SPTBN4: variants seen among roughly 807,000 people sequenced by gnomAD.
The protein encoded by SPTBN4 is spectrin beta, non-erythrocytic 4.
In SPTBN4, 96 loss-of-function variants were observed where a neutral mutation model predicts 277.8. The observed-to-expected ratio is 0.35, with a 90% CI of 0.29 to 0.41. The LOEUF (loss-of-function observed/expected upper bound fraction) is 0.41. Among genes scored for constraint, SPTBN4 ranks in the 10% least tolerant of loss-of-function variants. The pLI, the probability that SPTBN4 is intolerant of heterozygous loss-of-function variation, is 1.00. For missense variants in SPTBN4, 3,006 were observed against 3,595.7 expected (o/e 0.84, Z 4.19); for synonymous variants, 1,481 against 1,580.3 (o/e 0.94, Z 1.49).
intron 7 of SPTBN4, among the ~76,000 whole-genome samples, chr19:40,501,670 A>G (rs962123285): frequency 4.9e-5 from 7 of 143,644 alleles, no homozygotes; most frequent in African/African-American, 1.7e-4. Context: ...TTCCATCTTA[A>G]AAAAAAAAAG....
chr19:40,497,376 G>A (rs2080211412), intron 6 of SPTBN4, 113 bp from the exon 7 acceptor site: 1 of 748,696 alleles, frequency 1.3e-6, no homozygotes. Context: ...TGGCTAGACT[G>A]TGCCCTTCTG....
rs933730265 is a variant in SPTBN4 at position 40,490,984 on chromosome 19, G to A, written c.495+736G>A. Among the ~76,000 whole-genome samples the A allele has an allele frequency of 3.3e-5, 5 of 152,026 alleles. No homozygotes were observed. Among genetic ancestry groups the A allele is most frequent in the African/African-American group, 4.8e-5 (2 of 41,392 alleles). Reference sequence around the variant, plus strand: ...TTGAGCCCAGCAGTGTGAGGCTGCCGTGAGCTATGATCATGCCACTGCACT... The same window carrying A: ...TTGAGCCCAGCAGTGTGAGGCTGCCATGAGCTATGATCATGCCACTGCACT... On this transcript the variant is annotated intron_variant, in intron 4 of 35. Transcript: ENST00000598249. This position sits in a 1 kb window ranked among gnomAD's most constrained non-coding sequence, Gnocchi z 4.3.
chr19:40,532,741 G>A lies in SPTBN4; in HGVS notation c.4065G>A (p.Gln1355=). Residue 1355 remains glutamine, a synonymous_variant, in exon 19 of 36, where the codon CAG becomes CAA. Transcript: ENST00000598249. ...AGGCATTCATGGCCGAGCTGGCTCA[G>A]AATAAGGAGTGGCTGGAGAAGATCG... The part of the protein sequence containing the change: ...RHQAFMAELA[Q]NKEWLEKIER... The A allele has an allele frequency of 6.2e-7, 1 of 1,613,634 alleles. No homozygotes were observed. The highest frequency in any genetic ancestry group is 1.3e-5 in the African/African-American group (1 of 75,028).
At chr19:40,510,888 G>A (rs925888560) in intron 13 of SPTBN4, among the ~76,000 whole-genome samples, 2 of 152,086 alleles carry the variant, frequency 1.3e-5, no homozygotes, top group Non-Finnish European at 2.9e-5. Flanking sequence ...ATGGTGTTGT[G>A]GGCCCATAGT....
At chr19:40,522,210 T>C (rs1357391416) in intron 16 of SPTBN4, among the ~76,000 whole-genome samples, 1 of 151,864 alleles carries the variant, frequency 6.6e-6, no homozygotes, top group Admixed American at 6.6e-5. Context: ...GTATTTTTAG[T>C]AGAGATGGGA....
chr19:40,528,712 T>G (rs1285246220), intron 17 of SPTBN4, among the ~76,000 whole-genome samples: 1 of 152,070 alleles, frequency 6.6e-6, no homozygotes, highest in Admixed American at 6.6e-5. Flanking sequence ...CTCGTTTGTT[T>G]TGTTTTGTTT....
At chr19:40,477,926 C>T (rs547342291) in intron 2 of SPTBN4, among the ~76,000 whole-genome samples, 1 of 152,214 alleles carries the variant, frequency 6.6e-6, no homozygotes, top group Non-Finnish European at 1.5e-5. Flanking sequence ...GCAACCTCCG[C>T]CTCCTGGGTT....
chr19:40,556,561 A>G (rs1312415749), intron 25 of SPTBN4, among the ~76,000 whole-genome samples: 1 of 150,704 alleles, frequency 6.6e-6, no homozygotes, highest in Non-Finnish European at 1.5e-5. Flanking sequence ...CCAGGTGTTC[A>G]GTAAGTGTTA....
chr19:40,504,495 C>T (rs2080301509), intron 12 of SPTBN4, among the ~76,000 whole-genome samples: 1 of 151,964 alleles, frequency 6.6e-6, no homozygotes, highest in African/African-American at 2.4e-5. Context: ...GGTGAAACCC[C>T]ATCTCTACTA....
intron 15 of SPTBN4, among the ~76,000 whole-genome samples, chr19:40,518,992 TAA>T (rs1344473693): frequency 1.3e-5 from 2 of 152,312 alleles, no homozygotes; most frequent in East Asian, 1.9e-4. Flanking sequence ...CAAAATGTAC[TAA>T]GAGTGGCATT....
intron 2 of SPTBN4, among the ~76,000 whole-genome samples, chr19:40,473,186 A>G (rs1295933014): frequency 1.3e-5 from 2 of 152,022 alleles, no homozygotes; most frequent in Non-Finnish European, 2.9e-5. Flanking sequence ...AGCTGGGACT[A>G]CAGGTGCCCG....
intron 13 of SPTBN4, among the ~76,000 whole-genome samples, chr19:40,508,364 T>C (rs1227836616): frequency 6.6e-6 from 1 of 152,108 alleles, no homozygotes; most frequent in Admixed American, 6.6e-5. Flanking sequence ...ACACCCACCA[T>C]GGGGAGCTGT....
intron 2 of SPTBN4, among the ~76,000 whole-genome samples, chr19:40,483,605 G>A (rs1433164205): frequency 2.0e-5 from 3 of 152,150 alleles, no homozygotes; most frequent in African/African-American, 7.2e-5. Flanking sequence ...GTCAGTGTGG[G>A]TTTTGTGCTG....
chr19:40,497,902 C>T (rs1485606197), intron 7 of SPTBN4, among the ~76,000 whole-genome samples: 1 of 151,648 alleles, frequency 6.6e-6, no homozygotes, highest in African/African-American at 2.4e-5. Flanking sequence ...CCAACACCCT[C>T]CCCAACCCTG....
In SPTBN4 at chr19:40,477,094, G is replaced by A. The variant is rs181621763; in HGVS notation, c.169+4304G>A. Among the ~76,000 whole-genome samples the A allele has an allele frequency of 2.0e-4, 30 of 151,112 alleles. No individual in the cohort carries two copies. In the East Asian group the frequency reaches 5.1e-3, roughly 25 times the overall value. ...TTGGACTGCTGCCAGGCTGGAGTGT[G>A]GTGATAAAAATCATAGCTCACTACA... On this transcript the variant is annotated intron_variant, in intron 2 of 35. Coordinates refer to ENST00000598249, the MANE Select transcript of SPTBN4 (RefSeq NM_020971.3).
intron 5 of SPTBN4, among the ~76,000 whole-genome samples, chr19:40,494,120 C>T (rs907546929): frequency 6.6e-6 from 1 of 152,148 alleles, no homozygotes; most frequent in Non-Finnish European, 1.5e-5. Flanking sequence ...CTCAATTGTC[C>T]TCTGTAGAGC....
At chr19:40,516,237 C>CAA (rs61403353) in intron 15 of SPTBN4, among the ~76,000 whole-genome samples, 4 of 112,288 alleles carry the variant, frequency 3.6e-5, no homozygotes, top group African/African-American at 3.1e-5. Context: ...GACCTTGTCT[C>CAA]AAAAAAAAAA....
In SPTBN4 at chr19:40,515,263, C is replaced by G. The variant is rs370458670; in HGVS notation, c.2766-48C>G. ...AACCAGTAGAAGGTATTTCATAAAA[C>G]CAAGGTCCGCAGGGTTCGGGTGTCT... On this transcript the variant is annotated intron_variant, in intron 14 of 35. Transcript: ENST00000598249. This position sits in a 1 kb window ranked among gnomAD's most constrained non-coding sequence, Gnocchi z 4.1. The G allele has an allele frequency of 1.2e-4, 192 of 1,587,000 alleles. 1 individual carries two copies. In the African/African-American group the frequency reaches 2.1e-3, roughly 18 times the overall value.
Position 40,513,088 on chromosome 19 carries a change from C to T in SPTBN4, c.2299C>T (p.Arg767Trp), listed in dbSNP as rs2080412050. ...GGAAGAGGCGGCGGCGCGGCGAGAG[C>T]GGCGGCTGCAGGAGGCGCGGGCGCT... ...RLEEAAARRE[R>W]RLQEARALHQ... Residue 767 changes from arginine to tryptophan, a missense_variant, in exon 14 of 36, where the codon CGG (arginine) becomes TGG (tryptophan). Arg to Trp is a moderately radical substitution (Grantham distance 101). This residue lies in a region of SPTBN4 where 1,759 missense variants were observed against 2,061.5 expected (regional missense o/e 0.85). Coordinates refer to ENST00000598249, the MANE Select transcript of SPTBN4 (RefSeq NM_020971.3). 1 of 1,417,230 alleles carries T rather than the reference C, an allele frequency of 7.1e-7. No homozygotes were observed. The allele number at this position is 1,417,230 out of a possible 1,614,324, so 87.8% of individuals were successfully genotyped here.
Sources: gnomAD v4.1 joint callset for allele counts (sites outside exome capture counted in the v4.1 genomes callset) on GRCh38, gnomAD v4.1.1 for gene constraint, gnomAD v4.1.1 regional missense constraint, Gnocchi (gnomAD v3.1) non-coding constraint, MANE v1.5 for transcripts, NCBI Gene and HGNC (gene_info 2026-07-23, HGNC 2026-07-21) for gene names.